Variants in RIMBP2 observed in about 807,000 individuals in gnomAD.
RIMBP2 encodes RIMS-binding protein 2.
RIMBP2 carries 48 observed loss-of-function variants against 118.6 expected under a neutral mutation model. The observed-to-expected ratio is 0.40, with a 90% CI of 0.32 to 0.51. The LOEUF (loss-of-function observed/expected upper bound fraction) is 0.51, where lower values mean the gene tolerates loss of function less well. Ranked by LOEUF, RIMBP2 falls within the 20% of genes least tolerant of loss-of-function variation. The pLI is 0.41. For missense variants in RIMBP2, 1,551 were observed against 1,768.3 expected (o/e 0.88, Z 2.20); for synonymous variants, 762 against 742.9 (o/e 1.03, Z -0.42).
At chr12:130,426,194 C>G (rs1382184930) in intron 15 of RIMBP2, 4 of 152,210 alleles carry the variant, frequency 2.6e-5, no homozygotes, top group African/African-American at 9.7e-5. Context: ...CACGTGAGAA[C>G]GTGTGCGCTG....
chr12:130,494,850 G>A lies in RIMBP2; in HGVS notation c.-4+11798C>T, dbSNP rs2048991328. Reference sequence around the variant, plus strand: ...TACCACAACTGGCACTTCTGCTTAAGACAATGGAAAGTGTCCTCTCACAGC... The same window carrying A: ...TACCACAACTGGCACTTCTGCTTAAAACAATGGAAAGTGTCCTCTCACAGC... On this transcript the variant is annotated intron_variant, in intron 4 of 22. Coordinates refer to ENST00000690449, the MANE Select transcript of RIMBP2 (RefSeq NM_001393629.1). Among the ~76,000 whole-genome samples, 5 of 152,196 alleles carry A rather than the reference G, an allele frequency of 3.3e-5. No individual in the cohort carries two copies. The South Asian group carries it at 1.0e-3, about 32-fold the overall frequency.
At chr12:130,518,661 C>T (rs2051740048) in intron 2 of RIMBP2, among the ~76,000 whole-genome samples, 1 of 152,162 alleles carries the variant, frequency 6.6e-6, no homozygotes. Flanking sequence ...TCTCTACTAT[C>T]ACCATGGCAC....
chr12:130,678,045 G>A lies in RIMBP2; in HGVS notation c.-352+38177C>T, dbSNP rs190708065. On this transcript the variant is annotated intron_variant, in intron 1 of 22. Coordinates refer to ENST00000690449, the MANE Select transcript of RIMBP2 (RefSeq NM_001393629.1). ...TACCCTTCTTCTTGGCAGAACAAAG[G>A]ACTGTTCTGGATTGCCTGAGGGTGA... Among the ~76,000 whole-genome samples the A allele has an allele frequency of 5.6e-4, 86 of 152,272 alleles. 1 individual carries two copies. Among genetic ancestry groups the A allele is most frequent in the Non-Finnish European group, 6.3e-4 (43 of 68,024 alleles).
At chr12:130,495,943 C>CA (rs1202851833) in intron 4 of RIMBP2, among the ~76,000 whole-genome samples, 1 of 152,214 alleles carries the variant, frequency 6.6e-6, no homozygotes, top group African/African-American at 2.4e-5. Flanking sequence ...ACTAAAAGCC[C>CA]AAAGTCTTTG....
intron 2 of RIMBP2, among the ~76,000 whole-genome samples, chr12:130,587,021 C>T (rs1367064190): frequency 4.9e-5 from 5 of 101,146 alleles, no homozygotes; most frequent in African/African-American, 1.2e-4. Context: ...GGGCGAAGGA[C>T]ATGAACAGAC....
intron 21 of RIMBP2, among the ~76,000 whole-genome samples, chr12:130,401,515 G>A (rs549866626): frequency 2.0e-5 from 3 of 151,960 alleles, no homozygotes; most frequent in East Asian, 3.9e-4. Flanking sequence ...GCTGCCAGGT[G>A]CACACTCACT....
chr12:130,502,612 G>GC (rs1566156123), intron 4 of RIMBP2, among the ~76,000 whole-genome samples: 1 of 152,108 alleles, frequency 6.6e-6, no homozygotes, highest in Non-Finnish European at 1.5e-5. Flanking sequence ...CTTTTAAAGT[G>GC]CCACCATCAG....
At chr12:130,564,995 A>C (rs2057110896) in intron 2 of RIMBP2, among the ~76,000 whole-genome samples, 2 of 152,236 alleles carry the variant, frequency 1.3e-5, no homozygotes, top group Non-Finnish European at 2.9e-5. Context: ...TCCAAACTCA[A>C]ACTGTATAAA....
At chr12:130,587,869 C>T (rs1310086986) in intron 2 of RIMBP2, among the ~76,000 whole-genome samples, 1 of 151,270 alleles carries the variant, frequency 6.6e-6, no homozygotes, top group African/African-American at 2.4e-5. Context: ...GATGGGGGAG[C>T]GGTGTCCTCC....
At chr12:130,643,385 C>T (rs1451919596) in intron 1 of RIMBP2, among the ~76,000 whole-genome samples, 5 of 152,138 alleles carry the variant, frequency 3.3e-5, no homozygotes, top group East Asian at 1.9e-4. Context: ...GGCAGGAAGG[C>T]GGAGCCCAAA....
At chr12:130,593,176 T>C (rs2059375548) in intron 2 of RIMBP2, among the ~76,000 whole-genome samples, 1 of 152,226 alleles carries the variant, frequency 6.6e-6, no homozygotes, top group African/African-American at 2.4e-5. Flanking sequence ...GGCCCCGGTG[T>C]GGCTCCCCAA....
At chr12:130,599,631 G>A (rs2059757491) in intron 2 of RIMBP2, among the ~76,000 whole-genome samples, 2 of 152,228 alleles carry the variant, frequency 1.3e-5, no homozygotes, top group African/African-American at 4.8e-5. Context: ...CAAGGATACA[G>A]ATGATTGGAA....
rs536946252 is a variant in RIMBP2 at position 130,532,789 on chromosome 12, G to A, written c.-216-14872C>T. On this transcript the variant is annotated intron_variant, in intron 2 of 22. Transcript: ENST00000690449. ...CGTGTGTTCAGCCTCTAGGAGTTAC[G>A]TCTAATGAGATGCGTGTGTGTAGCC... is the stretch of plus-strand genomic sequence containing the variant. Among the ~76,000 whole-genome samples, 1,373 of 147,096 alleles carry A rather than the reference G, an allele frequency of 9.3e-3. 1 individual carries two copies. Among genetic ancestry groups the A allele is most frequent in the African/African-American group, 0.031 (1,205 of 39,350 alleles).
intron 1 of RIMBP2, among the ~76,000 whole-genome samples, chr12:130,666,830 GGAGGGAGGGA>G (rs1009008431): frequency 2.2e-5 from 3 of 138,798 alleles, no homozygotes; most frequent in African/African-American, 8.1e-5. Flanking sequence ...ATGGAAGAAG[GGAGGGAGGGA>G]GAGAATGGAG....
At position 130,450,167 on chromosome 12, in the gene RIMBP2, G is replaced by A. The variant is rs1306955337; in HGVS notation, c.581+33C>T. On this transcript the variant is annotated intron_variant, in intron 9 of 22. Transcript: ENST00000690449. The surrounding 1 kb of genome is among the most constrained non-coding windows in gnomAD (Gnocchi z 4.8). ...CAACATCTCATCTGCCCCACTCACAGGGGCTCGGTGGACGCCGAGGGGCCG... is the reference window on the plus strand; with the variant it reads ...CAACATCTCATCTGCCCCACTCACAAGGGCTCGGTGGACGCCGAGGGGCCG... The A allele has an allele frequency of 6.7e-7, 1 of 1,486,086 alleles. No individual in the cohort carries two copies. Among genetic ancestry groups the A allele is most frequent in the South Asian group, 1.2e-5 (1 of 85,040 alleles). The allele number at this position is 1,486,086 out of a possible 1,614,324, so 92.1% of individuals were successfully genotyped here.
At chr12:130,534,291 A>C (rs1373771570) in intron 2 of RIMBP2, among the ~76,000 whole-genome samples, 1 of 150,526 alleles carries the variant, frequency 6.6e-6, no homozygotes, top group Non-Finnish European at 1.5e-5. Context: ...ATGATGAAAA[A>C]TTACTTAATG....
At chr12:130,564,511 A>G (rs2057071572) in intron 2 of RIMBP2, among the ~76,000 whole-genome samples, 1 of 152,260 alleles carries the variant, frequency 6.6e-6, no homozygotes, top group African/African-American at 2.4e-5. Flanking sequence ...CAGCATTCTT[A>G]GCCATCAGGG....
rs371697997 is a variant in RIMBP2 at position 130,594,410 on chromosome 12, T to A, written c.-217+33912A>T. ...GTAGAGGAGAGCAGAAGACTCTAGA[T>A]TGCATTGCACATAGAAGAGGGAGGT... On this transcript the variant is annotated intron_variant, in intron 2 of 22. Coordinates refer to ENST00000690449, the MANE Select transcript of RIMBP2 (RefSeq NM_001393629.1). 3.7e-4 allele frequency among the ~76,000 whole-genome samples: 57 copies of A among 152,338 alleles called. 2 individuals carry two copies. In the East Asian group the frequency reaches 5.8e-3, roughly 15 times the overall value.
chr12:130,610,855 C>T (rs551608966), intron 2 of RIMBP2, among the ~76,000 whole-genome samples: 19 of 152,266 alleles, frequency 1.2e-4, no homozygotes, highest in African/African-American at 3.1e-4. Context: ...CCACCGCGCC[C>T]GGCCATTTTC....
Sources: allele counts gnomAD v4.1 joint callset (sites outside exome capture counted in the v4.1 genomes callset), GRCh38; gene constraint gnomAD v4.1.1; non-coding constraint Gnocchi (gnomAD v3.1); transcripts MANE v1.5; gene names NCBI Gene and HGNC (gene_info 2026-07-23, HGNC 2026-07-21).